COL24A1: variants seen among roughly 807,000 people sequenced by gnomAD.
The protein encoded by COL24A1 is collagen type XXIV alpha 1 chain.
Under a neutral mutation model 253.9 loss-of-function variants are expected in COL24A1, and 224 were observed. That is an observed-to-expected ratio of 0.88 (90% CI 0.79 to 0.99). The LOEUF (loss-of-function observed/expected upper bound fraction) is 0.99. Among genes scored for constraint, COL24A1 ranks in the 50% least tolerant of loss-of-function variants. The pLI is 0.00. For missense variants in COL24A1, 2,131 were observed against 2,068.5 expected (o/e 1.03, Z -0.59); for synonymous variants, 685 against 673.7 (o/e 1.02, Z -0.26).
At chr1:85,953,984 A>T (rs1690186351) in intron 24 of COL24A1, among the ~76,000 whole-genome samples, 1 of 152,226 alleles carries the variant, frequency 6.6e-6, no homozygotes, top group Admixed American at 6.5e-5. Context: ...AAATACTCAC[A>T]TCTGAAAAAG....
chr1:86,074,082 A>G (rs2101860609), intron 7 of COL24A1, among the ~76,000 whole-genome samples: 1 of 152,328 alleles, frequency 6.6e-6, no homozygotes, highest in South Asian at 2.1e-4. Flanking sequence ...AGCTAGCATC[A>G]TAATGACAGG....
chr1:85,858,118 AT>A (rs1281005990), intron 37 of COL24A1, among the ~76,000 whole-genome samples: 1 of 152,114 alleles, frequency 6.6e-6, no homozygotes, highest in Non-Finnish European at 1.5e-5. Flanking sequence ...AGCCACCAAC[AT>A]TTTTCATCTA....
rs558724515 is a variant in COL24A1 at position 85,730,651 on chromosome 1, G to A, written c.5040C>T (p.His1680=). 1.5e-5 allele frequency: 24 copies of A among 1,613,998 alleles called. No homozygotes were observed. The highest frequency in any genetic ancestry group is 1.4e-4 in the South Asian group (13 of 91,068). ...CTGGAAGTTGATTAGGTTCCTGGGT[G>A]TGAAAAAGAAATGTTGCCTTATGCC... ...GSWHKATFLF[H]TQEPNQLPVI... is the part of the protein sequence containing the mutation. The change falls in exon 60 of 60, where the codon CAC becomes CAT. Residue 1680 remains histidine, a synonymous_variant. Coordinates refer to ENST00000370571, the MANE Select transcript of COL24A1 (RefSeq NM_152890.7).
chr1:86,129,945 G>T (rs1055065718), intron 2 of COL24A1, among the ~76,000 whole-genome samples: 1 of 151,618 alleles, frequency 6.6e-6, no homozygotes, highest in Non-Finnish European at 1.5e-5. Context: ...CAATTAATCT[G>T]CCATCAACTG....
chr1:85,921,372 T>C (rs973584974), intron 24 of COL24A1, among the ~76,000 whole-genome samples: 1 of 152,168 alleles, frequency 6.6e-6, no homozygotes, highest in African/African-American at 2.4e-5. Context: ...GGCAGCAGCC[T>C]GGCAGGGGGA....
chr1:85,932,102 A>C (rs1327057291), intron 24 of COL24A1, among the ~76,000 whole-genome samples: 2 of 86,558 alleles, frequency 2.3e-5, no homozygotes, highest in Admixed American at 1.5e-4. Context: ...TAATTAAACT[A>C]AAGAGCTTCT....
intron 52 of COL24A1, 33 bp downstream of exon 52, chr1:85,781,187 G>T: frequency 6.9e-7 from 1 of 1,455,138 alleles, no homozygotes; most frequent in Non-Finnish European, 9.4e-7. Flanking sequence ...AGAAAAAAAA[G>T]AGTACAAAAG....
chr1:86,046,690 A>G (rs1328022792), intron 12 of COL24A1, 135 bp downstream of exon 12: 1 of 985,702 alleles, frequency 1.0e-6, no homozygotes, highest in East Asian at 2.5e-5. Context: ...ACACTATTCA[A>G]GAGGCAAAAA....
intron 55 of COL24A1, among the ~76,000 whole-genome samples, chr1:85,754,620 G>A (rs1303580115): frequency 6.9e-6 from 1 of 145,770 alleles, no homozygotes; most frequent in African/African-American, 2.5e-5. Flanking sequence ...TATAATAAAA[G>A]CACATAAATT....
intron 24 of COL24A1, among the ~76,000 whole-genome samples, chr1:85,956,550 G>T (rs564412058): frequency 6.6e-6 from 1 of 152,278 alleles, no homozygotes; most frequent in East Asian, 1.9e-4. Flanking sequence ...AGGAATAATT[G>T]TGGTAAATCA....
chr1:86,124,568 A>G (rs1193575294), intron 3 of COL24A1, among the ~76,000 whole-genome samples: 1 of 151,992 alleles, frequency 6.6e-6, no homozygotes, highest in African/African-American at 2.4e-5. Context: ...TCAACTGAAC[A>G]AGAAAAACAA....
intron 46 of COL24A1, 44 bp downstream of exon 46, chr1:85,817,990 T>A: frequency 6.4e-7 from 1 of 1,550,896 alleles, no homozygotes; most frequent in Non-Finnish European, 8.9e-7. Context: ...AGTTGCCAGT[T>A]CCATTTAGAA....
chr1:85,992,513 C>A (rs4272648), intron 19 of COL24A1, among the ~76,000 whole-genome samples: 1 of 151,892 alleles, frequency 6.6e-6, no homozygotes, highest in Non-Finnish European at 1.5e-5. Context: ...ATAAAGGAAA[C>A]CTTTTTTTTA....
chr1:85,896,354 A>T lies in COL24A1; in HGVS notation c.2832+2T>A, dbSNP rs1347558086. ...TATGAAATGAGAAAAATCAATGATT[A>T]CCTTGGCACCTTGTATACCTTGTTC... On this transcript the variant is annotated splice_donor_variant, in intron 29 of 59. Transcript: ENST00000370571. LOFTEE classifies it high-confidence loss of function. 1.9e-6 allele frequency: 3 copies of T among 1,612,502 alleles called. No individual in the cohort carries two copies. Among genetic ancestry groups the T allele is most frequent in the Non-Finnish European group, 2.5e-6 (3 of 1,178,668 alleles).
At chr1:86,063,217 A>C (rs544798806) in intron 8 of COL24A1, among the ~76,000 whole-genome samples, 22,851 of 151,988 alleles carry the variant, frequency 0.15, 1,831 homozygotes, top group Middle Eastern at 0.21. Flanking sequence ...GGACAATGAT[A>C]TATGTACCAT....
chr1:86,143,219 A>G (rs1216443307), intron 2 of COL24A1, among the ~76,000 whole-genome samples: 1 of 152,208 alleles, frequency 6.6e-6, no homozygotes, highest in Non-Finnish European at 1.5e-5. Context: ...GACTTCCAAG[A>G]AACTCCATCT....
chr1:86,106,024 T>C (rs1490483712), intron 5 of COL24A1, among the ~76,000 whole-genome samples: 3 of 152,214 alleles, frequency 2.0e-5, no homozygotes, highest in Non-Finnish European at 4.4e-5. Context: ...GTGGCAGCTG[T>C]TCCACCTGGC....
intron 10 of COL24A1, among the ~76,000 whole-genome samples, chr1:86,055,862 C>T (rs1227949683): frequency 6.6e-6 from 1 of 152,132 alleles, no homozygotes; most frequent in African/African-American, 2.4e-5. Flanking sequence ...GTGGCTCACA[C>T]CTGTAATCCC....
chr1:85,783,151 G>C (rs999871529), intron 51 of COL24A1, among the ~76,000 whole-genome samples: 1 of 152,144 alleles, frequency 6.6e-6, no homozygotes, highest in Non-Finnish European at 1.5e-5. Context: ...CTTCCAGGTG[G>C]TGCATGGAGG....
Sources: gnomAD v4.1 joint callset for allele counts (sites outside exome capture counted in the v4.1 genomes callset) on GRCh38, gnomAD v4.1.1 for gene constraint, MANE v1.5 for transcripts, NCBI Gene and HGNC (gene_info 2026-07-23, HGNC 2026-07-21) for gene names.